The following EOGT variants were observed in gnomAD, a reference collection of about 807,000 sequenced individuals.
The protein encoded by EOGT is EGF domain-specific O-linked N-acetylglucosamine transferase.
In EOGT, 55 loss-of-function variants were observed where a neutral mutation model predicts 70.5. That is an observed-to-expected ratio of 0.78 (90% CI 0.63 to 0.98). The LOEUF is 0.98. Among genes scored for constraint, EOGT ranks in the 50% least tolerant of loss-of-function variants. EOGT has a pLI of 0.00. For synonymous variants in EOGT, 246 were observed against 217.1 expected (o/e 1.13, Z -1.17); for missense variants, 703 against 641.9 (o/e 1.10, Z -1.03).
At chr3:69,009,280 T>C (rs1358016077) in intron 4 of EOGT, among the ~76,000 whole-genome samples, 7 of 152,216 alleles carry the variant, frequency 4.6e-5, no homozygotes, top group African/African-American at 1.4e-4. Flanking sequence ...TGAAATTAAG[T>C]GCTAACCGAT....
chr3:69,003,439 T>A (rs1299262085), intron 8 of EOGT, among the ~76,000 whole-genome samples: 13 of 152,140 alleles, frequency 8.5e-5, no homozygotes, highest in Admixed American at 8.5e-4. Context: ...TCTCAAGATC[T>A]GATAGTTTTA....
intron 14 of EOGT, among the ~76,000 whole-genome samples, chr3:68,983,856 G>A (rs1206484420): frequency 1.3e-5 from 2 of 152,154 alleles, no homozygotes; most frequent in Non-Finnish European, 2.9e-5. Flanking sequence ...CCAGCTACTC[G>A]GGAGGCTAAG....
At chr3:69,008,273 G>A (rs1312528661) in intron 5 of EOGT, among the ~76,000 whole-genome samples, 155 bp downstream of exon 5, 1 of 152,238 alleles carries the variant, frequency 6.6e-6, no homozygotes, top group Non-Finnish European at 1.5e-5. Flanking sequence ...ATCCCAGTAT[G>A]AAATAGTCAA....
At chr3:68,997,983 C>T (rs912433415) in intron 10 of EOGT, 28 bp downstream of exon 10, 1 of 1,276,970 alleles carries the variant, frequency 7.8e-7, no homozygotes, top group Non-Finnish European at 1.1e-6. Flanking sequence ...AAAGACAGTA[C>T]TGAAGCGGAG....
In EOGT at chr3:68,977,516, T is replaced by C; in HGVS notation, c.*102A>G. 1 of 1,249,034 alleles carries C rather than the reference T, an allele frequency of 8.0e-7. No individual in the cohort carries two copies. Among genetic ancestry groups the C allele is most frequent in the Non-Finnish European group, 1.1e-6 (1 of 874,316 alleles). 77.4% of individuals were successfully genotyped at this position (1,249,034 alleles called of 1,614,324 possible). ...AAGGTATGTTTTGGCATAGAAAAGGTAATTCGGGGATAGGAAATAACAGAT... is the reference window on the plus strand; with the variant it reads ...AAGGTATGTTTTGGCATAGAAAAGGCAATTCGGGGATAGGAAATAACAGAT... On this transcript the variant is annotated 3_prime_UTR_variant, in exon 18 of 18. Coordinates refer to ENST00000383701, the MANE Select transcript of EOGT (RefSeq NM_001278689.2).
intron 3 of EOGT, 73 bp from the exon 4 acceptor site, chr3:69,009,933 C>CAACAAAAAAAAAAAAAAAAAAAAAAAA: frequency 3.9e-6 from 1 of 255,194 alleles, no homozygotes; most frequent in East Asian, 4.5e-5. Flanking sequence ...ACAACAACAA[C>CAACAAAAAAAAAAAAAAAAAAAAAAAA]AAAAAAAAAA....
rs1020912855 is a variant in EOGT, at chr3:69,012,730, T to A, written c.-286A>T. 1.3e-5 allele frequency: 2 copies of A among 152,264 alleles called. No homozygotes were observed. Among genetic ancestry groups the A allele is most frequent in the African/African-American group, 4.8e-5 (2 of 41,440 alleles). The allele number at this position is 152,264 out of a possible 1,614,324, so 9.4% of individuals were successfully genotyped here. A position where few individuals can be genotyped will look rare whatever the true frequency, so the allele number is the denominator to read the frequency against. ...CACACGGACGCTTTACTGGCCAGGC[T>A]ACTTTTCCTTCAGCTCAAAGCAGCT... is the stretch of plus-strand genomic sequence containing the variant. On this transcript the variant is annotated 5_prime_UTR_variant, in exon 2 of 18. Coordinates refer to ENST00000383701, the MANE Select transcript of EOGT (RefSeq NM_001278689.2).
Position 69,006,510 on chromosome 3 carries a change from G to C in EOGT, c.420+1203C>G, listed in dbSNP as rs151085659. 5.5e-3 allele frequency among the ~76,000 whole-genome samples: 833 copies of C among 152,290 alleles called. 9 individuals carry two copies. The highest frequency in any genetic ancestry group is 0.019 in the African/African-American group (778 of 41,560). On this transcript the variant is annotated intron_variant, in intron 6 of 17. Transcript: ENST00000383701. Reference sequence around the variant, plus strand: ...GATCATTGAACAGTGTACCTTAATCGTAAGTGCTTACAACTTCATCAACCT... The same window carrying C: ...GATCATTGAACAGTGTACCTTAATCCTAAGTGCTTACAACTTCATCAACCT...
chr3:68,990,004 T>C lies in EOGT; in HGVS notation c.832-987A>G, dbSNP rs368554443. Among the ~76,000 whole-genome samples the C allele has an allele frequency of 1.8e-4, 27 of 152,070 alleles. No individual in the cohort carries two copies. In the South Asian group the frequency reaches 2.7e-3, roughly 15 times the overall value. Reference sequence around the variant, plus strand: ...ATTCTATGAAATATCCCCCCACCCATTGACTAGTGAATAAAAAGTGGTAAT... The same window carrying C: ...ATTCTATGAAATATCCCCCCACCCACTGACTAGTGAATAAAAAGTGGTAAT... On this transcript the variant is annotated intron_variant, in intron 10 of 17. Coordinates refer to ENST00000383701, the MANE Select transcript of EOGT (RefSeq NM_001278689.2).
rs989385493 is a variant in EOGT at position 69,007,510 on chromosome 3, G to C, written c.420+203C>G. On this transcript the variant is annotated intron_variant, in intron 6 of 17. Transcript: ENST00000383701. Reference sequence around the variant, plus strand: ...TTACTAAAAATATAAAAATTAGCGGGGGGGGGTGGCACGCGCCTGTAATCC... The same window carrying C: ...TTACTAAAAATATAAAAATTAGCGGCGGGGGGTGGCACGCGCCTGTAATCC... Among the ~76,000 whole-genome samples, 11 of 96,014 alleles carry C rather than the reference G, an allele frequency of 1.1e-4. 2 individuals carry two copies. In the South Asian group the frequency reaches 3.1e-3, roughly 27 times the overall value. The allele number at this position is 96,014 out of a possible 152,430, so 63.0% of individuals were successfully genotyped here.
chr3:68,990,569 G>A (rs1012913453), intron 10 of EOGT, among the ~76,000 whole-genome samples: 1 of 152,048 alleles, frequency 6.6e-6, no homozygotes, highest in Non-Finnish European at 1.5e-5. Flanking sequence ...GGCCAGGCTG[G>A]TCTCAAACTC....
chr3:68,995,115 C>T (rs1396126225), intron 10 of EOGT, among the ~76,000 whole-genome samples: 1 of 152,206 alleles, frequency 6.6e-6, no homozygotes, highest in South Asian at 2.1e-4. Flanking sequence ...TACCTCCCTG[C>T]TCTTCCCTGG....
chr3:68,977,403 A>G lies in EOGT; in HGVS notation c.*215T>C. ...AATTTTTGAACTATAAAAAGTTTTC[A>G]GTGCAAAATTATTGCTATTGATAAA... On this transcript the variant is annotated 3_prime_UTR_variant, in exon 18 of 18. Coordinates refer to ENST00000383701, the MANE Select transcript of EOGT (RefSeq NM_001278689.2). The G allele has an allele frequency of 2.1e-6, 1 of 483,628 alleles. No homozygotes were observed. The allele number at this position is 483,628 out of a possible 1,614,324, so 30.0% of individuals were successfully genotyped here. A position where few individuals can be genotyped will look rare whatever the true frequency, so the allele number is the denominator to read the frequency against.
At chr3:69,006,102 T>C (rs1462986613) in intron 6 of EOGT, among the ~76,000 whole-genome samples, 1 of 152,222 alleles carries the variant, frequency 6.6e-6, no homozygotes, top group Non-Finnish European at 1.5e-5. Flanking sequence ...ACAAGGATCA[T>C]ACTCTGCTAG....
intron 14 of EOGT, among the ~76,000 whole-genome samples, chr3:68,986,883 T>C (rs984754527): frequency 2.0e-5 from 3 of 152,250 alleles, no homozygotes; most frequent in East Asian, 1.9e-4. Flanking sequence ...CAATTAACTA[T>C]TGTAGAATAA....
intron 14 of EOGT, among the ~76,000 whole-genome samples, chr3:68,984,768 G>T (rs1037140044): frequency 6.7e-6 from 1 of 149,928 alleles, no homozygotes; most frequent in Non-Finnish European, 1.5e-5. Flanking sequence ...ATGCACTAAA[G>T]CATCTACCAG....
intron 10 of EOGT, among the ~76,000 whole-genome samples, chr3:68,997,748 C>T (rs2091190441): frequency 6.6e-6 from 1 of 152,186 alleles, no homozygotes; most frequent in South Asian, 2.1e-4. Context: ...GAGCTCCACC[C>T]ACCCAGAAAG....
Position 69,012,752 on chromosome 3 carries a change from A to T in EOGT, c.-308T>A, listed in dbSNP as rs1455585869. The T allele has an allele frequency of 3.3e-5, 5 of 152,274 alleles. No individual in the cohort carries two copies. Among genetic ancestry groups the T allele is most frequent in the South Asian group, 4.1e-4 (2 of 4,834 alleles). 9.4% of individuals were successfully genotyped at this position (152,274 alleles called of 1,614,324 possible). ...GGCTACTTTTCCTTCAGCTCAAAGC[A>T]GCTGGAATCACTCCACTCCAGAAAC... On this transcript the variant is annotated 5_prime_UTR_variant, in exon 2 of 18. Coordinates refer to ENST00000383701, the MANE Select transcript of EOGT (RefSeq NM_001278689.2).
intron 14 of EOGT, 112 bp from the exon 15 acceptor site, chr3:68,982,984 T>A: frequency 3.3e-6 from 2 of 605,386 alleles, no homozygotes; most frequent in Non-Finnish European, 5.7e-6. Flanking sequence ...ATATTAAATA[T>A]CATTTGGTAA....
Sources: allele counts gnomAD v4.1 joint callset (sites outside exome capture counted in the v4.1 genomes callset), GRCh38; gene constraint gnomAD v4.1.1; transcripts MANE v1.5; gene names NCBI Gene and HGNC (gene_info 2026-07-23, HGNC 2026-07-21).